The following USP14 variants were observed in gnomAD, a reference collection of about 807,000 sequenced individuals.
USP14 encodes the protein ubiquitin specific peptidase 14.
In USP14, 38 loss-of-function variants were observed where a neutral mutation model predicts 76.5. The observed-to-expected ratio is 0.50, with a 90% confidence interval of 0.38 to 0.65. The LOEUF is 0.65. USP14 is among the 30% of genes least tolerant of loss of function. The pLI is 0.00. For synonymous variants in USP14, 192 were observed against 191.7 expected (o/e 1.00, Z -0.01); for missense variants, 467 against 586.5 (o/e 0.80, Z 2.10).
chr18:204,059 A>G (rs1910459018), intron 12 of USP14, among the ~76,000 whole-genome samples: 1 of 151,918 alleles, frequency 6.6e-6, no homozygotes, highest in Admixed American at 6.6e-5. Flanking sequence ...TTCTTAGTAT[A>G]TTTTCCAGTA....
In USP14 at chr18:202,910, C is replaced by T. The variant is rs772787316; in HGVS notation, c.907C>T (p.Pro303Ser). The change falls in exon 11 of 16, where the codon CCA (proline) becomes TCA (serine). Residue 303 changes from proline to serine, a missense_variant. Physicochemically the swap from Pro to Ser is moderately conservative, Grantham distance 74. Coordinates refer to ENST00000261601, the MANE Select transcript of USP14 (RefSeq NM_005151.4). ...TCAGGAAGAAATCACCAAACAGTCT[C>T]CAACGTTGCAAAGAAATGCCTTGTA... The part of the protein sequence containing the change: ...RLQEEITKQS[P>S]TLQRNALYIK... 1.9e-6 allele frequency: 3 copies of T among 1,614,112 alleles called. No individual in the cohort carries two copies. In the South Asian group the frequency reaches 3.3e-5, roughly 18 times the overall value.
In USP14 at chr18:212,006, A is replaced by G. The variant is rs1910682220; in HGVS notation, c.*722A>G. 1 of 152,210 alleles carries G rather than the reference A, an allele frequency of 6.6e-6. No individual in the cohort carries two copies. The highest frequency in any genetic ancestry group is 2.1e-4 in the South Asian group (1 of 4,828). 9.4% of individuals were successfully genotyped at this position (152,210 alleles called of 1,614,324 possible). On this transcript the variant is annotated 3_prime_UTR_variant, in exon 16 of 16. Coordinates refer to ENST00000261601, the MANE Select transcript of USP14 (RefSeq NM_005151.4). Reference sequence around the variant, plus strand: ...ACAAGCTCTGGTTGCTTATTTTTAGAAAATGAGGACATTTAATAATAATAA... The same window carrying G: ...ACAAGCTCTGGTTGCTTATTTTTAGGAAATGAGGACATTTAATAATAATAA...
At chr18:168,936 G>T (rs1446922396) in intron 3 of USP14, among the ~76,000 whole-genome samples, 1 of 151,798 alleles carries the variant, frequency 6.6e-6, no homozygotes, top group African/African-American at 2.4e-5. Context: ...AATTAGCCGT[G>T]CATGGTGGCA....
intron 5 of USP14, among the ~76,000 whole-genome samples, chr18:186,853 G>T (rs1164488047): frequency 6.6e-6 from 1 of 152,128 alleles, no homozygotes; most frequent in Non-Finnish European, 1.5e-5. Context: ...AATTCAAACA[G>T]TCTTAAATTT....
intron 4 of USP14, 141 bp from the exon 5 acceptor site, chr18:180,095 C>T (rs922918370): frequency 4.1e-6 from 2 of 484,186 alleles, no homozygotes; most frequent in South Asian, 3.7e-5. Context: ...GTTTCTTTAG[C>T]GTGAAGGCAG....
intron 5 of USP14, among the ~76,000 whole-genome samples, chr18:190,594 T>G (rs1910060053): frequency 6.6e-6 from 1 of 152,158 alleles, no homozygotes; most frequent in African/African-American, 2.4e-5. Context: ...TTTTTGGAAA[T>G]TTGAGTTTGT....
intron 6 of USP14, among the ~76,000 whole-genome samples, chr18:195,128 T>A (rs1021975748): frequency 6.6e-6 from 1 of 152,172 alleles, no homozygotes. Context: ...ATATTTCTTC[T>A]TGACCTTTTT....
At chr18:190,787 TG>T (rs1244970170) in intron 5 of USP14, among the ~76,000 whole-genome samples, 1 of 152,180 alleles carries the variant, frequency 6.6e-6, no homozygotes, top group Admixed American at 6.5e-5. Flanking sequence ...TACTTTTGAC[TG>T]TAAAACCTCT....
At chr18:158,915 C>CCCCT in intron 1 of USP14, 3 of 781,402 alleles carry the variant, frequency 3.8e-6, no homozygotes, top group Non-Finnish European at 5.2e-6. Flanking sequence ...GAGCGCCGTC[C>CCCCT]CCCTGAGCCA....
At chr18:192,942 A>G (rs753231790) in intron 6 of USP14, 42 bp downstream of exon 6, 5 of 1,535,776 alleles carry the variant, frequency 3.3e-6, no homozygotes. Flanking sequence ...GGAGTAAGAC[A>G]TTCTATTTTT....
chr18:177,396 T>C (rs1909655872), intron 3 of USP14, among the ~76,000 whole-genome samples: 1 of 146,330 alleles, frequency 6.8e-6, no homozygotes, highest in African/African-American at 2.6e-5. Context: ...CACTCCTGCC[T>C]GGGTGACAGA....
intron 10 of USP14, among the ~76,000 whole-genome samples, chr18:201,004 T>G (rs1910370623): frequency 6.6e-6 from 1 of 152,114 alleles, no homozygotes; most frequent in African/African-American, 2.4e-5. Context: ...GGTTTTGTCA[T>G]GTTAGCCTGG....
At chr18:183,743 A>G (rs1340959417) in intron 5 of USP14, among the ~76,000 whole-genome samples, 3 of 150,582 alleles carry the variant, frequency 2.0e-5, no homozygotes, top group Non-Finnish European at 3.0e-5. Flanking sequence ...ATTTTTATTT[A>G]AAGGTTTTTT....
Position 213,492 on chromosome 18 carries a change from G to A in USP14, c.*2208G>A, listed in dbSNP as rs1241887728. 1 of 152,014 alleles carries A rather than the reference G, an allele frequency of 6.6e-6. No homozygotes were observed. Among genetic ancestry groups the A allele is most frequent in the Non-Finnish European group, 1.5e-5 (1 of 67,928 alleles). 9.4% of individuals were successfully genotyped at this position (152,014 alleles called of 1,614,324 possible). A position where few individuals can be genotyped will look rare whatever the true frequency, so the allele number is the denominator to read the frequency against. ...TTTAGAATTCAGCCTTGCCTGTAAG[G>A]TCTTTGAGAAGGGAGAGGAGTAGGC... On this transcript the variant is annotated 3_prime_UTR_variant, in exon 16 of 16. Coordinates refer to ENST00000261601, the MANE Select transcript of USP14 (RefSeq NM_005151.4).
intron 5 of USP14, among the ~76,000 whole-genome samples, chr18:184,904 G>T (rs949527729): frequency 1.3e-5 from 2 of 152,170 alleles, no homozygotes; most frequent in Non-Finnish European, 2.9e-5. Context: ...TGAAAATAAG[G>T]TTTGAAATGG....
At chr18:185,860 ATTTT>A (rs34807173) in intron 5 of USP14, among the ~76,000 whole-genome samples, 2 of 125,068 alleles carry the variant, frequency 1.6e-5, no homozygotes, top group Admixed American at 8.2e-5. Context: ...TGCCCAGCTG[ATTTT>A]TTTTTTTTTT....
intron 3 of USP14, among the ~76,000 whole-genome samples, chr18:177,633 G>GTTT (rs11438659): frequency 7.2e-6 from 1 of 139,194 alleles, no homozygotes; most frequent in Non-Finnish European, 1.5e-5. Context: ...TTCCCTCCCT[G>GTTT]TTTTTTTTTT....
At chr18:171,025 A>AAAAATATATATATATATATAT (rs1327304974) in intron 3 of USP14, among the ~76,000 whole-genome samples, 12 of 47,646 alleles carry the variant, frequency 2.5e-4, no homozygotes, top group African/African-American at 5.2e-4. Flanking sequence ...AAAAAAAAAA[A>AAAAATATATATATATATATAT]ATATATATAT....
intron 2 of USP14, among the ~76,000 whole-genome samples, 175 bp from the exon 3 acceptor site, chr18:166,612 C>T (rs541280272): frequency 2.0e-5 from 3 of 152,052 alleles, no homozygotes; most frequent in Non-Finnish European, 2.9e-5. Flanking sequence ...GGATTACAGG[C>T]GTGAGCCACT....
Sources: gnomAD v4.1 joint callset for allele counts (sites outside exome capture counted in the v4.1 genomes callset) on GRCh38, gnomAD v4.1.1 for gene constraint, MANE v1.5 for transcripts, NCBI Gene and HGNC (gene_info 2026-07-23, HGNC 2026-07-21) for gene names.